The following ATRNL1 variants were observed in gnomAD, a reference collection of about 807,000 sequenced individuals.
The protein encoded by ATRNL1 is attractin-like protein 1.
A neutral mutation model predicts 182.7 loss-of-function variants in ATRNL1; 95 were observed. The ratio of observed to expected loss-of-function variants is 0.52; its 90% CI spans 0.44 to 0.62. The LOEUF (loss-of-function observed/expected upper bound fraction) is 0.62. Among genes scored for constraint, ATRNL1 ranks in the 20% least tolerant of loss-of-function variants. ATRNL1 has a pLI of 0.00. For missense variants in ATRNL1, 1,471 were observed against 1,679.5 expected, an observed-to-expected ratio of 0.88 and a Z score of 2.17; for synonymous variants, 576 against 568.3, an observed-to-expected ratio of 1.01 and a Z score of -0.19.
chr10:115,313,512 G>A (rs1453641871), intron 17 of ATRNL1, among the ~76,000 whole-genome samples: 1 of 152,128 alleles, frequency 6.6e-6, no homozygotes, highest in Non-Finnish European at 1.5e-5. Context: ...GGTTGGAATG[G>A]CAGAGGTATC....
intron 27 of ATRNL1, among the ~76,000 whole-genome samples, chr10:115,737,656 T>TC (rs1947997376): frequency 6.6e-6 from 1 of 151,596 alleles, no homozygotes; most frequent in Non-Finnish European, 1.5e-5. Flanking sequence ...GGAAGGGAGG[T>TC]CCCCTTCACT....
intron 28 of ATRNL1, among the ~76,000 whole-genome samples, chr10:115,882,920 A>G (rs782100568): frequency 6.6e-6 from 1 of 152,216 alleles, no homozygotes; most frequent in Non-Finnish European, 1.5e-5. Context: ...GTTACAATAC[A>G]TCATAGCTCC....
At chr10:115,487,998 T>G (rs1592727514) in intron 24 of ATRNL1, among the ~76,000 whole-genome samples, 1 of 152,340 alleles carries the variant, frequency 6.6e-6, no homozygotes, top group East Asian at 1.9e-4. Context: ...TTTTTGTCAT[T>G]GGTTCTGTTT....
intron 1 of ATRNL1, among the ~76,000 whole-genome samples, chr10:115,107,263 A>G (rs1844052552): frequency 1.3e-5 from 2 of 152,210 alleles, no homozygotes; most frequent in Admixed American, 1.3e-4. Flanking sequence ...TGTGAAATCA[A>G]AACAAGTTGT....
At chr10:115,821,589 G>A (rs912840988) in intron 27 of ATRNL1, among the ~76,000 whole-genome samples, 4 of 152,124 alleles carry the variant, frequency 2.6e-5, no homozygotes, top group African/African-American at 4.8e-5. Context: ...AGGGATGGAG[G>A]AAGATTTACC....
chr10:115,765,968 C>T (rs1314146883), intron 27 of ATRNL1, among the ~76,000 whole-genome samples: 1 of 11,898 alleles, frequency 8.4e-5, no homozygotes, highest in East Asian at 7.6e-3. Context: ...CCTTATTAAC[C>T]ATCCTTTCCC....
At chr10:115,365,220 G>A (rs1417604481) in intron 19 of ATRNL1, among the ~76,000 whole-genome samples, 1 of 152,200 alleles carries the variant, frequency 6.6e-6, no homozygotes. Context: ...TCTATTCAGA[G>A]ATTCAAATTC....
chr10:115,161,581 T>G (rs1554883301), intron 6 of ATRNL1, among the ~76,000 whole-genome samples: 1 of 152,050 alleles, frequency 6.6e-6, no homozygotes, highest in Non-Finnish European at 1.5e-5. Flanking sequence ...AATTTTAAGT[T>G]CATGTTCTTT....
chr10:115,500,113 A>G (rs1376941937), intron 24 of ATRNL1, among the ~76,000 whole-genome samples: 1 of 152,140 alleles, frequency 6.6e-6, no homozygotes, highest in Non-Finnish European at 1.5e-5. Context: ...ACAATCCTGG[A>G]TAATTGACGT....
chr10:115,519,959 G>A (rs1254191110), intron 25 of ATRNL1, among the ~76,000 whole-genome samples: 5 of 152,088 alleles, frequency 3.3e-5, no homozygotes, highest in Non-Finnish European at 5.9e-5. Context: ...AGAGACTCTG[G>A]GTTAGGAGTT....
intron 9 of ATRNL1, among the ~76,000 whole-genome samples, chr10:115,234,592 CTTTTTTT>C (rs554861467): frequency 0.038 from 5,073 of 133,818 alleles, 287 homozygotes; most frequent in African/African-American, 0.13. Flanking sequence ...TTTTCTTTTT[CTTTTTTT>C]TTTTTTTTTG....
At chr10:115,791,108 C>A (rs1949521244) in intron 27 of ATRNL1, among the ~76,000 whole-genome samples, 1 of 151,950 alleles carries the variant, frequency 6.6e-6, no homozygotes. Flanking sequence ...CTCTTTTTTG[C>A]TGAAAATCTT....
intron 26 of ATRNL1, among the ~76,000 whole-genome samples, chr10:115,705,024 T>A (rs1214130248): frequency 3.3e-5 from 5 of 151,870 alleles, no homozygotes; most frequent in Non-Finnish European, 7.4e-5. Context: ...TTTGCTTCCA[T>A]GGCTGCATGT....
chr10:115,551,504 G>A (rs1852984034), intron 26 of ATRNL1, among the ~76,000 whole-genome samples: 1 of 151,236 alleles, frequency 6.6e-6, no homozygotes, highest in South Asian at 2.1e-4. Flanking sequence ...TTAATATAAT[G>A]CCCTTCTTTC....
At chr10:115,126,173 T>A (rs1844966481) in intron 3 of ATRNL1, among the ~76,000 whole-genome samples, 1 of 152,218 alleles carries the variant, frequency 6.6e-6, no homozygotes, top group South Asian at 2.1e-4. Flanking sequence ...TTCTCCTGCC[T>A]CAGCCTCCCG....
intron 19 of ATRNL1, among the ~76,000 whole-genome samples, chr10:115,368,748 C>G (rs1438912491): frequency 4.7e-5 from 7 of 149,196 alleles, no homozygotes; most frequent in African/African-American, 1.7e-4. Context: ...AATTCTCGCT[C>G]TTCCGCCCAG....
chr10:115,191,674 T>G (rs1592236458), intron 8 of ATRNL1, among the ~76,000 whole-genome samples: 1 of 152,032 alleles, frequency 6.6e-6, no homozygotes, highest in Admixed American at 6.6e-5. Flanking sequence ...GATCTGATGG[T>G]TTTATAAGTA....
chr10:115,229,246 A>G (rs1849826155), intron 9 of ATRNL1, among the ~76,000 whole-genome samples: 1 of 152,200 alleles, frequency 6.6e-6, no homozygotes, highest in Non-Finnish European at 1.5e-5. Flanking sequence ...TCAATTTGAT[A>G]TAATAGAAGT....
At chr10:115,293,747 C>G (rs1322543169) in intron 15 of ATRNL1, among the ~76,000 whole-genome samples, 2 of 152,136 alleles carry the variant, frequency 1.3e-5, no homozygotes, top group African/African-American at 2.4e-5. Context: ...TTGTGGTTGA[C>G]AGTTTTTTGT....
Sources: gnomAD v4.1 joint callset for allele counts (sites outside exome capture counted in the v4.1 genomes callset) on GRCh38, gnomAD v4.1.1 for gene constraint, MANE v1.5 for transcripts, NCBI Gene and HGNC (gene_info 2026-07-23, HGNC 2026-07-21) for gene names.